Variants in BRDT observed in about 807,000 individuals in gnomAD.
BRDT encodes bromodomain testis associated.
A neutral mutation model predicts 113.9 loss-of-function variants in BRDT; 77 were observed. The observed-to-expected ratio is 0.68, with a 90% confidence interval of 0.56 to 0.82. The LOEUF (loss-of-function observed/expected upper bound fraction) is 0.82, where lower values mean the gene tolerates loss of function less well. BRDT is among the 40% of genes least tolerant of loss of function. The pLI is 0.00. For missense variants in BRDT, 1,027 were observed against 1,105.4 expected, an observed-to-expected ratio of 0.93 and a Z score of 1.01; for synonymous variants, 358 against 366.5, an observed-to-expected ratio of 0.98 and a Z score of 0.26.
intron 1 of BRDT, 101 bp downstream of exon 1, chr1:91,949,783 T>G (rs1680844027): frequency 6.6e-6 from 1 of 152,212 alleles, no homozygotes; most frequent in Non-Finnish European, 1.5e-5. Flanking sequence ...AATGTCTGGT[T>G]TTTCTTCAAG....
At chr1:91,955,700 C>T (rs1422974685) in intron 1 of BRDT, among the ~76,000 whole-genome samples, 1 of 152,154 alleles carries the variant, frequency 6.6e-6, no homozygotes, top group African/African-American at 2.4e-5. Flanking sequence ...TGGGTAATGA[C>T]AGTGGATACA....
Position 91,977,124 on chromosome 1 carries a change from A to G in BRDT, c.700A>G (p.Thr234Ala), listed in dbSNP as rs1684219864. The change falls in exon 6 of 19, where the codon ACA becomes GCA. Residue 234 changes from threonine to alanine, a missense_variant. Transcript: ENST00000399546. Reference protein sequence around the residue: ...AVKASSEFSPTFTEKSVALPP... With the variant: ...AVKASSEFSPAFTEKSVALPP... Reference sequence around the variant, plus strand: ...TAAAGCAAGTAGTGAATTTTCTCCAACATTCACAGAAAAATCAGTGGCACT... The same window carrying G: ...TAAAGCAAGTAGTGAATTTTCTCCAGCATTCACAGAAAAATCAGTGGCACT... 3 of 1,613,872 alleles carry G rather than the reference A, an allele frequency of 1.9e-6. No homozygotes were observed. The highest frequency in any genetic ancestry group is 1.1e-5 in the South Asian group (1 of 90,936).
intron 12 of BRDT, among the ~76,000 whole-genome samples, chr1:91,985,175 G>A (rs1399606149): frequency 1.3e-5 from 2 of 152,020 alleles, no homozygotes; most frequent in East Asian, 3.9e-4. Flanking sequence ...TCCGACTCCC[G>A]GGTTCAAGCG....
intron 16 of BRDT, among the ~76,000 whole-genome samples, chr1:92,003,364 A>AT (rs1281133971): frequency 1.3e-5 from 2 of 152,184 alleles, no homozygotes; most frequent in African/African-American, 2.4e-5. Context: ...GGAGATAATT[A>AT]TTTTTAGAAA....
chr1:91,952,209 G>A (rs1474724811), intron 1 of BRDT: 1 of 152,180 alleles, frequency 6.6e-6, no homozygotes, highest in Non-Finnish European at 1.5e-5. Context: ...GTTCCTGGGA[G>A]GTCAAGTTAA....
intron 12 of BRDT, among the ~76,000 whole-genome samples, chr1:91,984,819 A>G (rs1685060771): frequency 6.6e-6 from 1 of 152,018 alleles, no homozygotes; most frequent in African/African-American, 2.4e-5. Flanking sequence ...TTTTTTGACA[A>G]AAATGTATAG....
In BRDT at chr1:91,981,178, G is replaced by C. The variant is rs908464450; in HGVS notation, c.1750G>C (p.Ala584Pro). The change falls in exon 10 of 19, where the codon GCT becomes CCT. Residue 584 changes from alanine (A) to proline (P), a missense_variant and splice_region_variant. Coordinates refer to ENST00000399546, the MANE Select transcript of BRDT (RefSeq NM_207189.4). The part of the protein sequence containing the change: ...CLRKRPLKPP[A>P]KKIMMSKEEL... ...AAGAAAGAGACCATTAAAACCTCCT[G>C]GTATGTATTTCTGCATATTAATAGA... is the stretch of plus-strand genomic sequence containing the variant. 1.2e-6 allele frequency: 2 copies of C among 1,608,072 alleles called. No homozygotes were observed. Among genetic ancestry groups the C allele is most frequent in the Non-Finnish European group, 1.7e-6 (2 of 1,178,088 alleles).
chr1:91,958,071 G>A (rs952263029), intron 1 of BRDT, among the ~76,000 whole-genome samples: 4 of 152,126 alleles, frequency 2.6e-5, no homozygotes, highest in Admixed American at 1.3e-4. Flanking sequence ...TCGAGCTCCC[G>A]ACCTCAAATG....
Position 91,962,790 on chromosome 1 carries a change from T to A in BRDT, c.36T>A (p.Val12=), listed in dbSNP as rs776339706. 1 of 1,605,156 alleles carries A rather than the reference T, an allele frequency of 6.2e-7. No individual in the cohort carries two copies. Among genetic ancestry groups the A allele is most frequent in the Non-Finnish European group, 8.5e-7 (1 of 1,177,066 alleles). The change falls in exon 2 of 19, where the codon GTT becomes GTA. Residue 12 remains valine (V), a synonymous_variant. Coordinates refer to ENST00000399546, the MANE Select transcript of BRDT (RefSeq NM_207189.4). ...SLPSRQTAII[V]NPPPPEYINT... ...CAAGTCGACAAACAGCTATTATTGT[T>A]AACCCTCCTCCACCAGAATATATAA...
chr1:91,968,313 ATC>A (rs1439337750), intron 4 of BRDT, 53 bp downstream of exon 4: 1 of 1,586,706 alleles, frequency 6.3e-7, no homozygotes, highest in East Asian at 2.3e-5. Context: ...TCCCCTATCT[ATC>A]TCATGTGTGT....
intron 1 of BRDT, among the ~76,000 whole-genome samples, chr1:91,959,559 C>T: frequency 6.6e-6 from 1 of 152,000 alleles, no homozygotes; most frequent in Non-Finnish European, 1.5e-5. Context: ...GAGCTCATTG[C>T]AGCCTCTACC....
intron 1 of BRDT, among the ~76,000 whole-genome samples, chr1:91,955,691 G>A (rs1681681388): frequency 6.6e-6 from 1 of 152,164 alleles, no homozygotes; most frequent in Admixed American, 6.6e-5. Context: ...ACAGTAAGAT[G>A]GGTAATGACA....
intron 1 of BRDT, among the ~76,000 whole-genome samples, chr1:91,962,144 C>CAAAAAAAAAA (rs555326698): frequency 1.5e-5 from 1 of 65,064 alleles, no homozygotes; most frequent in African/African-American, 5.9e-5. Flanking sequence ...GACTCCGTCT[C>CAAAAAAAAAA]AAAAAAAAAA....
rs1010946109 is a variant in BRDT at position 92,004,460 on chromosome 1, C to T, written c.2435C>T (p.Pro812Leu). The stretch of plus-strand genomic sequence containing the variant: ...GATTCATGGAAAAGTTTAGGCAAAC[C>T]AGTGAAACCATCAGGTGTAATGAAA... ...NADSWKSLGK[P>L]VKPSGVMKSS... Residue 812 changes from proline to leucine, a missense_variant, in exon 17 of 19, where the codon CCA (proline) becomes CTA (leucine). Pro to Leu is a moderately conservative substitution (Grantham distance 98). Transcript: ENST00000399546. 1.2e-6 allele frequency: 2 copies of T among 1,610,034 alleles called. No individual in the cohort carries two copies. Among genetic ancestry groups the T allele is most frequent in the African/African-American group, 1.3e-5 (1 of 74,640 alleles).
At chr1:91,983,199 G>C (rs1462700674) in intron 12 of BRDT, among the ~76,000 whole-genome samples, 4 of 151,434 alleles carry the variant, frequency 2.6e-5, no homozygotes, top group Non-Finnish European at 5.9e-5. Context: ...TCTTAAAATA[G>C]TGCAATATAT....
chr1:91,978,957 C>T (rs1684421842), intron 7 of BRDT, among the ~76,000 whole-genome samples: 2 of 137,208 alleles, frequency 1.5e-5, no homozygotes, highest in Admixed American at 7.8e-5. Flanking sequence ...GAAATTGCGC[C>T]ACTGCACTCC....
intron 17 of BRDT, 81 bp downstream of exon 17, chr1:92,004,700 T>A: frequency 7.9e-7 from 1 of 1,262,100 alleles, no homozygotes; most frequent in Non-Finnish European, 1.1e-6. Flanking sequence ...ATTTGTTAAG[T>A]GACTATGATT....
chr1:91,998,768 A>G (rs1328169608), intron 15 of BRDT, among the ~76,000 whole-genome samples: 4 of 152,188 alleles, frequency 2.6e-5, no homozygotes, highest in Admixed American at 6.6e-5. Flanking sequence ...GATAGTGCAG[A>G]AAAAAAATAA....
chr1:91,995,622 C>G (rs896542676), intron 15 of BRDT, among the ~76,000 whole-genome samples: 1 of 151,612 alleles, frequency 6.6e-6, no homozygotes, highest in Non-Finnish European at 1.5e-5. Flanking sequence ...GCCACCATGC[C>G]CAGCTAATTT....
Sources: allele counts gnomAD v4.1 joint callset (sites outside exome capture counted in the v4.1 genomes callset), GRCh38; gene constraint gnomAD v4.1.1; transcripts MANE v1.5; gene names NCBI Gene and HGNC (gene_info 2026-07-23, HGNC 2026-07-21).